TENM3: variants seen among roughly 807,000 people sequenced by gnomAD.
TENM3 encodes the protein teneurin-3.
TENM3 carries 63 observed loss-of-function variants against 255.1 expected under a neutral mutation model. The observed-to-expected ratio is 0.25, with a 90% CI of 0.20 to 0.30. The LOEUF is 0.30. Among genes scored for constraint, TENM3 ranks in the 10% least tolerant of loss-of-function variants. The pLI is 1.00. For synonymous variants in TENM3, 1,306 were observed against 1,322.3 expected (o/e 0.99, Z 0.27); for missense variants, 2,929 against 3,461.1 (o/e 0.85, Z 3.86).
chr4:181,484,819 C>T, the TENM3 span, among the ~76,000 whole-genome samples: 1 of 151,880 alleles, frequency 6.6e-6, no homozygotes, highest in South Asian at 2.1e-4. Flanking sequence ...AAGTAATTTC[C>T]TACCCTGCCT....
the TENM3 span, among the ~76,000 whole-genome samples, chr4:181,649,550 T>G: frequency 6.6e-6 from 1 of 152,198 alleles, no homozygotes; most frequent in East Asian, 1.9e-4. Flanking sequence ...AAAAAATCCT[T>G]CAGGAACTGC....
At chr4:181,803,939 C>A in the TENM3 span, among the ~76,000 whole-genome samples, 836 of 117,330 alleles carry the variant, frequency 7.1e-3, no homozygotes, top group African/African-American at 0.011. Flanking sequence ...ATTATCTCAA[C>A]AAAAAAAAAA....
intron 3 of TENM3, among the ~76,000 whole-genome samples, chr4:182,459,900 A>C (rs1333044680): frequency 6.6e-6 from 1 of 152,164 alleles, no homozygotes; most frequent in Non-Finnish European, 1.5e-5. Flanking sequence ...CAAGATTTCA[A>C]AAATATATTT....
chr4:182,025,431 G>T, the TENM3 span, among the ~76,000 whole-genome samples: 4 of 152,152 alleles, frequency 2.6e-5, no homozygotes, highest in African/African-American at 9.7e-5. Flanking sequence ...GCTTTGGAAG[G>T]TTGCTTCCAA....
In TENM3 at chr4:182,232,163, G is replaced by A. The variant is rs539161569; in HGVS notation, c.-76+87409G>A. The stretch of plus-strand genomic sequence containing the variant: ...ACAAATGTCTATTCCGGGAACTGGC[G>A]TCTTCACTCCTCTGTCCTTCTGGCT... On this transcript the variant is annotated intron_variant, in intron 1 of 2. Transcript: ENST00000512480. 1.5e-4 allele frequency among the ~76,000 whole-genome samples: 23 copies of A among 152,188 alleles called. 1 individual carries two copies. The highest frequency in any genetic ancestry group is 5.1e-4 in the African/African-American group (21 of 41,530).
the TENM3 span, among the ~76,000 whole-genome samples, chr4:181,820,463 C>A: frequency 1.3e-5 from 2 of 149,628 alleles, no homozygotes; most frequent in South Asian, 2.1e-4. Context: ...ATAATGGGCA[C>A]GTTTAACTAG....
rs1445500865 is a variant in TENM3, at chr4:182,801,285, CACT to C, written c.*936_*938del. On this transcript the variant is annotated 3_prime_UTR_variant, in exon 28 of 28. Transcript: ENST00000511685. Reference sequence around the variant, plus strand: ...GTTGAAAAAATGTGCAAGCTTCTATCACTAGATGGATAGGACCGTGCAATTCTA... The same window carrying C: ...GTTGAAAAAATGTGCAAGCTTCTATCAGATGGATAGGACCGTGCAATTCTA... 2.0e-5 allele frequency: 3 copies of C among 152,424 alleles called. No homozygotes were observed. The highest frequency in any genetic ancestry group is 7.2e-5 in the African/African-American group (3 of 41,396). The allele number at this position is 152,424 out of a possible 1,614,324, so 9.4% of individuals were successfully genotyped here.
chr4:181,894,287 C>T, the TENM3 span, among the ~76,000 whole-genome samples: 2 of 152,040 alleles, frequency 1.3e-5, no homozygotes, highest in African/African-American at 2.4e-5. Context: ...CACTGTCTAC[C>T]GTAATTACAT....
At chr4:182,693,569 C>G (rs1222113781) in intron 12 of TENM3, among the ~76,000 whole-genome samples, 2 of 152,120 alleles carry the variant, frequency 1.3e-5, no homozygotes, top group African/African-American at 2.4e-5. Flanking sequence ...GAATTCCTGA[C>G]CTCAGGTGAT....
the TENM3 span, among the ~76,000 whole-genome samples, chr4:181,726,586 C>T: frequency 6.6e-6 from 1 of 152,140 alleles, no homozygotes; most frequent in Admixed American, 6.5e-5. Flanking sequence ...AACTGTTTTT[C>T]CTCTGTTCTC....
chr4:181,477,715 C>T, the TENM3 span, among the ~76,000 whole-genome samples: 185 of 152,210 alleles, frequency 1.2e-3, no homozygotes, highest in African/African-American at 2.0e-3. Flanking sequence ...GCAACAACAA[C>T]GAAAAATTGG....
the TENM3 span, among the ~76,000 whole-genome samples, chr4:181,996,427 C>T: frequency 6.6e-6 from 1 of 152,072 alleles, no homozygotes; most frequent in Non-Finnish European, 1.5e-5. Flanking sequence ...ACATCAAGCA[C>T]AAGGACTCTG....
the TENM3 span, among the ~76,000 whole-genome samples, chr4:181,986,281 G>A: frequency 6.6e-6 from 1 of 151,786 alleles, no homozygotes; most frequent in African/African-American, 2.4e-5. Context: ...TTCTCTTGAA[G>A]ATCAGTGTTC....
chr4:181,699,025 G>T, the TENM3 span, among the ~76,000 whole-genome samples: 1 of 151,926 alleles, frequency 6.6e-6, no homozygotes, highest in Non-Finnish European at 1.5e-5. Context: ...GAAGAACAAA[G>T]AGAACAGTTT....
intron 3 of TENM3, among the ~76,000 whole-genome samples, chr4:182,427,368 G>C (rs947830666): frequency 6.6e-6 from 1 of 152,098 alleles, no homozygotes; most frequent in African/African-American, 2.4e-5. Flanking sequence ...TTTTAGGGAG[G>C]GATAGTCATA....
the TENM3 span, among the ~76,000 whole-genome samples, chr4:181,901,532 A>G: frequency 1.5e-4 from 23 of 152,310 alleles, no homozygotes; most frequent in African/African-American, 4.3e-4. Flanking sequence ...GAGATTTCCA[A>G]TGGAAATTAC....
At chr4:182,732,044 G>C (rs1338924069) in intron 16 of TENM3, among the ~76,000 whole-genome samples, 1 of 152,006 alleles carries the variant, frequency 6.6e-6, no homozygotes, top group African/African-American at 2.4e-5. Context: ...ACCTCCCAAA[G>C]TGCTGGGATT....
chr4:181,955,272 A>G, the TENM3 span, among the ~76,000 whole-genome samples: 1 of 152,174 alleles, frequency 6.6e-6, no homozygotes, highest in Non-Finnish European at 1.5e-5. Flanking sequence ...AGGGGAAGGC[A>G]GAATTTAGTA....
the TENM3 span, among the ~76,000 whole-genome samples, chr4:181,458,266 T>C: frequency 1.1e-4 from 17 of 152,000 alleles, no homozygotes; most frequent in Non-Finnish European, 2.5e-4. Flanking sequence ...AGAATATTAC[T>C]GCTCATCAGA....
Sources: gnomAD v4.1 joint callset for allele counts (sites outside exome capture counted in the v4.1 genomes callset) on GRCh38, gnomAD v4.1.1 for gene constraint, MANE v1.5 for transcripts, NCBI Gene and HGNC (gene_info 2026-07-23, HGNC 2026-07-21) for gene names.